CATSPERT: variants seen among roughly 807,000 people sequenced by gnomAD.
The protein encoded by CATSPERT is catsper channel auxiliary subunit tau.
At chr2:201,520,793 G>T in the CATSPERT span, among the ~76,000 whole-genome samples, 5 of 151,884 alleles carry the variant, frequency 3.3e-5, no homozygotes. Context: ...GGAGGCTGAG[G>T]CAAGAGAATC....
chr2:201,489,177 GA>G, the CATSPERT span, among the ~76,000 whole-genome samples: 1 of 152,288 alleles, frequency 6.6e-6, no homozygotes, highest in South Asian at 2.1e-4. Context: ...GAAAGTTTAG[GA>G]ACAGTTGGTT....
the CATSPERT span, chr2:201,492,414 T>C: frequency 1.2e-5 from 18 of 1,533,092 alleles, no homozygotes; most frequent in East Asian, 3.9e-4. Context: ...CATTTTCTGA[T>C]AAAGCTATCA....
the CATSPERT span, chr2:201,601,604 T>C: frequency 2.6e-6 from 2 of 778,812 alleles, no homozygotes; most frequent in East Asian, 2.9e-5. Flanking sequence ...AATAGAATAC[T>C]GTAAGATACC....
chr2:201,559,405 C>T, the CATSPERT span, among the ~76,000 whole-genome samples: 3 of 152,224 alleles, frequency 2.0e-5, no homozygotes, highest in African/African-American at 7.2e-5. Flanking sequence ...GCTGTGCCCC[C>T]ACATCTCAGG....
the CATSPERT span, among the ~76,000 whole-genome samples, chr2:201,585,502 G>A: frequency 6.6e-6 from 1 of 151,836 alleles, no homozygotes; most frequent in Non-Finnish European, 1.5e-5. Context: ...CTGACAGAAG[G>A]TAACTGACCC....
At chr2:201,514,081 A>G in the CATSPERT span, among the ~76,000 whole-genome samples, 1 of 152,126 alleles carries the variant, frequency 6.6e-6, no homozygotes, top group Admixed American at 6.5e-5. Context: ...TGTAATAAAA[A>G]AGAAATATCT....
the CATSPERT span, among the ~76,000 whole-genome samples, chr2:201,497,974 T>A: frequency 1.3e-5 from 2 of 152,132 alleles, no homozygotes; most frequent in African/African-American, 4.8e-5. Context: ...CAGATATAAT[T>A]GACTTAATGG....
chr2:201,499,059 C>T, the CATSPERT span, among the ~76,000 whole-genome samples: 1 of 152,162 alleles, frequency 6.6e-6, no homozygotes, highest in South Asian at 2.1e-4. Context: ...TCCCCACACA[C>T]CCTCCAGGGA....
the CATSPERT span, among the ~76,000 whole-genome samples, chr2:201,516,659 A>C: frequency 1.3e-5 from 2 of 152,186 alleles, no homozygotes; most frequent in African/African-American, 4.8e-5. Flanking sequence ...TTGAATTGGC[A>C]GAGAGCCCTA....
chr2:201,552,088 C>A, the CATSPERT span, among the ~76,000 whole-genome samples: 1 of 151,074 alleles, frequency 6.6e-6, no homozygotes, highest in Non-Finnish European at 1.5e-5. Flanking sequence ...CTCCACCCCC[C>A]AGGCCCAAGT....
the CATSPERT span, among the ~76,000 whole-genome samples, chr2:201,597,408 C>T: frequency 6.6e-6 from 1 of 152,184 alleles, no homozygotes; most frequent in Non-Finnish European, 1.5e-5. Flanking sequence ...TTTCTGGGCT[C>T]TTTATCTGCT....
chr2:201,552,662 T>C, the CATSPERT span, among the ~76,000 whole-genome samples: 1 of 152,214 alleles, frequency 6.6e-6, no homozygotes, highest in Non-Finnish European at 1.5e-5. Flanking sequence ...AAGTTATATA[T>C]GGATTTTCCA....
chr2:201,564,082 A>G, the CATSPERT span, among the ~76,000 whole-genome samples: 12 of 152,224 alleles, frequency 7.9e-5, no homozygotes, highest in African/African-American at 2.9e-4. Flanking sequence ...CCAAAAGAGA[A>G]TGAGTGTCTC....
chr2:201,566,173 T>C, the CATSPERT span, among the ~76,000 whole-genome samples: 2 of 152,144 alleles, frequency 1.3e-5, no homozygotes, highest in Non-Finnish European at 2.9e-5. Context: ...TCCAAATCTT[T>C]AGACCCAAAT....
At chr2:201,616,269 G>C in the CATSPERT span, among the ~76,000 whole-genome samples, 1 of 152,152 alleles carries the variant, frequency 6.6e-6, no homozygotes, top group South Asian at 2.1e-4. Context: ...GAGAATTTTA[G>C]ACCAATATCC....
chr2:201,570,550 G>T, the CATSPERT span, among the ~76,000 whole-genome samples: 1 of 152,082 alleles, frequency 6.6e-6, no homozygotes, highest in Non-Finnish European at 1.5e-5. Context: ...TAACTCAATT[G>T]GGTAGTTTTA....
chr2:201,498,222 T>C, the CATSPERT span, among the ~76,000 whole-genome samples: 41 of 152,218 alleles, frequency 2.7e-4, no homozygotes, highest in African/African-American at 9.9e-4. Context: ...GAGAAGCCAG[T>C]AGTGGCTCAA....
the CATSPERT span, chr2:201,487,424 G>C: frequency 1.7e-6 from 1 of 601,054 alleles, no homozygotes; most frequent in Non-Finnish European, 2.8e-6. Flanking sequence ...CATCAAATGT[G>C]TTTGTTTTTC....
chr2:201,516,878 C>T, the CATSPERT span, among the ~76,000 whole-genome samples: 5 of 150,112 alleles, frequency 3.3e-5, no homozygotes, highest in African/African-American at 1.2e-4. Flanking sequence ...GTAGGGAGAG[C>T]AAGGGAGCAA....
Sources: allele counts gnomAD v4.1 joint callset (sites outside exome capture counted in the v4.1 genomes callset), GRCh38; gene constraint gnomAD v4.1.1; transcripts MANE v1.5; gene names NCBI Gene and HGNC (gene_info 2026-07-23, HGNC 2026-07-21).